The following DEPDC5 variants were observed in gnomAD, a reference collection of about 807,000 sequenced individuals.
DEPDC5 encodes GATOR1 complex protein DEPDC5.
A neutral mutation model predicts 217.3 loss-of-function variants in DEPDC5; 73 were observed. The ratio of observed to expected loss-of-function variants is 0.34; its 90% CI spans 0.28 to 0.41. The LOEUF (loss-of-function observed/expected upper bound fraction) is 0.41, where lower values mean the gene tolerates loss of function less well. Among genes scored for constraint, DEPDC5 ranks in the 10% least tolerant of loss-of-function variants. The probability of loss-of-function intolerance (pLI) is 1.00; values close to 1 mark genes in which losing one functional copy is unlikely to be tolerated. For synonymous variants in DEPDC5, 733 were observed against 756.7 expected (o/e 0.97, Z 0.51); for missense variants, 1,675 against 2,070.1 (o/e 0.81, Z 3.70).
At chr22:31,786,698 G>C (rs938727367) in intron 10 of DEPDC5, among the ~76,000 whole-genome samples, 2 of 151,876 alleles carry the variant, frequency 1.3e-5, no homozygotes, top group African/African-American at 4.8e-5. Context: ...TGAAATTCCT[G>C]TGCTCAAGGG....
intron 4 of DEPDC5, among the ~76,000 whole-genome samples, chr22:31,763,334 AG>A (rs1245052291): frequency 2.0e-5 from 3 of 151,986 alleles, no homozygotes; most frequent in Admixed American, 6.6e-5. Flanking sequence ...CATGTTGGCC[AG>A]GCTGGTCTCA....
intron 4 of DEPDC5, among the ~76,000 whole-genome samples, chr22:31,762,663 T>C (rs2082493181): frequency 1.3e-5 from 2 of 152,114 alleles, no homozygotes; most frequent in Admixed American, 6.5e-5. Flanking sequence ...CTCGGGAAGC[T>C]GAGGCAGGAG....
chr22:31,900,049 T>TTTTTTC (rs774750179), intron 40 of DEPDC5, among the ~76,000 whole-genome samples: 28 of 152,244 alleles, frequency 1.8e-4, no homozygotes, highest in Non-Finnish European at 2.5e-4. Flanking sequence ...TTATTTTACT[T>TTTTTTC]TATTTTAGTT....
At chr22:31,863,204 C>A (rs369613564) in intron 33 of DEPDC5, among the ~76,000 whole-genome samples, 27 of 152,036 alleles carry the variant, frequency 1.8e-4, no homozygotes, top group East Asian at 1.5e-3. Context: ...TTCACTCTAG[C>A]TGCCCAGGCT....
intron 37 of DEPDC5, among the ~76,000 whole-genome samples, chr22:31,878,989 C>T (rs1011309152): frequency 8.3e-5 from 12 of 143,904 alleles, no homozygotes; most frequent in Admixed American, 1.4e-4. Context: ...ATCGTGCCAT[C>T]GCACCACTCC....
intron 32 of DEPDC5, among the ~76,000 whole-genome samples, chr22:31,859,537 G>A (rs370194236): frequency 1.3e-5 from 2 of 151,980 alleles, no homozygotes; most frequent in South Asian, 2.1e-4. Context: ...GATTACAGGC[G>A]TGCACCACCA....
intron 37 of DEPDC5, among the ~76,000 whole-genome samples, chr22:31,879,043 A>AAAAAAAAATAT (rs763615141): frequency 4.2e-5 from 5 of 119,472 alleles, no homozygotes; most frequent in South Asian, 2.8e-4. Flanking sequence ...AAAAAAAAAA[A>AAAAAAAAATAT]ATATATATAT....
At chr22:31,810,141 C>T (rs561432807) in intron 19 of DEPDC5, among the ~76,000 whole-genome samples, 2 of 152,234 alleles carry the variant, frequency 1.3e-5, no homozygotes, top group Middle Eastern at 3.4e-3. Flanking sequence ...TTGAAAAAAC[C>T]TTGTTTTTCT....
chr22:31,870,515 C>A, intron 33 of DEPDC5, 75 bp from the exon 34 acceptor site: 2 of 1,411,620 alleles, frequency 1.4e-6, no homozygotes, highest in Non-Finnish European at 1.9e-6. Context: ...AGTGAATAAG[C>A]CAGTACAGCT....
chr22:31,878,216 G>A, intron 37 of DEPDC5, among the ~76,000 whole-genome samples: 1 of 151,842 alleles, frequency 6.6e-6, no homozygotes. Flanking sequence ...TACATGAGAT[G>A]AAGCAGCTAG....
At position 31,815,086 on chromosome 22, in the gene DEPDC5, G is replaced by A. The variant is rs2088917190; in HGVS notation, c.1540G>A (p.Glu514Lys). 2 of 1,614,200 alleles carry A rather than the reference G, an allele frequency of 1.2e-6. No homozygotes were observed. The highest frequency in any genetic ancestry group is 2.7e-5 in the African/African-American group (2 of 75,054). ...CCTACCAAGCCGCACACTGCCCACT[G>A]AGGAAGTGAGGAGCCAGGCTTCTGA... ...PSLPSRTLPTEEVRSQASDDS... is the reference protein window; with the variant it reads ...PSLPSRTLPTKEVRSQASDDS... Residue 514 changes from glutamate (E) to lysine (K), a missense_variant, in exon 21 of 43, where the codon GAG becomes AAG. Transcript: ENST00000651528.
At position 31,870,484 on chromosome 22, in the gene DEPDC5, A is replaced by G. The variant is rs368288598; in HGVS notation, c.3331-106A>G. On this transcript the variant is annotated intron_variant, in intron 33 of 42. Transcript: ENST00000651528. ...GGAAGGATTGCATTAATTTTTGTTT[A>G]TTTTTTGTGAATGCTTACTGAGTGA... 1.4e-5 allele frequency: 17 copies of G among 1,249,534 alleles called. No individual in the cohort carries two copies. The East Asian group carries it at 1.8e-4, about 13-fold the overall frequency. 77.4% of individuals were successfully genotyped at this position (1,249,534 alleles called of 1,614,324 possible).
rs553240177 is a variant in DEPDC5, at chr22:31,905,492, T to A, written c.4437-492T>A. ...GATTCCCTCTCACCAAAAAAAAAGA[T>A]AAGGACCTTCCCTGGAGGAATGGAT... On this transcript the variant is annotated intron_variant, in intron 41 of 42. Coordinates refer to ENST00000651528, the MANE Select transcript of DEPDC5 (RefSeq NM_001242896.3). Among the ~76,000 whole-genome samples the A allele has an allele frequency of 1.4e-3, 206 of 151,564 alleles. 1 individual carries two copies. Among genetic ancestry groups the A allele is most frequent in the African/African-American group, 4.6e-3 (190 of 41,360 alleles).
chr22:31,827,307 A>G (rs2090231094), intron 24 of DEPDC5, among the ~76,000 whole-genome samples: 1 of 152,226 alleles, frequency 6.6e-6, no homozygotes, highest in South Asian at 2.1e-4. Context: ...TGAGCCACTG[A>G]AAGAAATTAG....
At chr22:31,801,949 CAA>C (rs1215188117) in intron 14 of DEPDC5, among the ~76,000 whole-genome samples, 1 of 151,212 alleles carries the variant, frequency 6.6e-6, no homozygotes, top group African/African-American at 2.4e-5. Context: ...GCCAGATTTA[CAA>C]AGTCATCCCA....
chr22:31,905,463 G>A (rs752238793), intron 41 of DEPDC5, among the ~76,000 whole-genome samples: 3 of 151,820 alleles, frequency 2.0e-5, no homozygotes, highest in Non-Finnish European at 2.9e-5. Flanking sequence ...GGGCAACAGT[G>A]CGAGATTCCC....
rs1449867967 is a variant in DEPDC5 at position 31,846,949 on chromosome 22, A to G, written c.3137A>G (p.Glu1046Gly). The change falls in exon 31 of 43, where the codon GAG becomes GGG. Residue 1046 changes from glutamate to glycine, a missense_variant. This residue lies in a region of DEPDC5 where 293 missense variants were observed against 386.1 expected (regional missense o/e 0.76). Coordinates refer to ENST00000651528, the MANE Select transcript of DEPDC5 (RefSeq NM_001242896.3). ...ACCTCAGCTCTCTCTGCCCTGTTGG[A>G]GATGGAGGCCAGTCAGAAGTAAGTG... ...KGTSALSALL[E>G]MEASQKCLGE... The G allele has an allele frequency of 6.2e-7, 1 of 1,614,232 alleles. No homozygotes were observed. The highest frequency in any genetic ancestry group is 8.5e-7 in the Non-Finnish European group (1 of 1,180,046).
intron 25 of DEPDC5, 162 bp from the exon 26 acceptor site, chr22:31,836,809 CT>C (rs1174490491): frequency 3.1e-6 from 2 of 636,222 alleles, no homozygotes; most frequent in African/African-American, 3.7e-5. Flanking sequence ...GTTTCTCTCT[CT>C]TTCTCCCTCC....
chr22:31,808,794 A>G (rs1036805319), intron 18 of DEPDC5, among the ~76,000 whole-genome samples: 7 of 151,926 alleles, frequency 4.6e-5, no homozygotes, highest in Non-Finnish European at 5.9e-5. Flanking sequence ...ACTCCTGACA[A>G]CCTCAGGTGA....
Sources: gnomAD v4.1 joint callset for allele counts (sites outside exome capture counted in the v4.1 genomes callset) on GRCh38, gnomAD v4.1.1 for gene constraint, gnomAD v4.1.1 regional missense constraint, MANE v1.5 for transcripts, NCBI Gene and HGNC (gene_info 2026-07-23, HGNC 2026-07-21) for gene names.